PAX5: variants seen among roughly 807,000 people sequenced by gnomAD.
PAX5 encodes paired box 5.
PAX5 carries 9 observed loss-of-function variants against 43.7 expected under a neutral mutation model. The observed-to-expected ratio is 0.21, with a 90% CI of 0.12 to 0.36. PAX5 has a LOEUF of 0.36. PAX5 is among the 10% of genes least tolerant of loss of function. The pLI is 1.00. For synonymous variants in PAX5, 228 were observed against 214.3 expected (o/e 1.06, Z -0.56); for missense variants, 383 against 532.7 (o/e 0.72, Z 2.77).
chr9:36,852,621 G>C (rs544297042), intron 8 of PAX5, among the ~76,000 whole-genome samples: 1 of 152,374 alleles, frequency 6.6e-6, no homozygotes, highest in African/African-American at 2.4e-5. Context: ...GGCTGGGGCA[G>C]AAGGAACGTG....
chr9:37,033,430 C>T (rs1269158732), intron 1 of PAX5, among the ~76,000 whole-genome samples: 2 of 152,228 alleles, frequency 1.3e-5, no homozygotes, highest in African/African-American at 4.8e-5. Flanking sequence ...ATCCAAAAAT[C>T]ACTTGGGATA....
intron 6 of PAX5, among the ~76,000 whole-genome samples, chr9:36,933,462 C>T (rs1475944097): frequency 3.9e-5 from 6 of 152,166 alleles, no homozygotes; most frequent in Admixed American, 2.6e-4. Context: ...CTTGCAGGTC[C>T]GTGGTGCCCC....
chr9:36,892,661 C>T (rs1348197986), intron 7 of PAX5, among the ~76,000 whole-genome samples: 1 of 152,128 alleles, frequency 6.6e-6, no homozygotes, highest in African/African-American at 2.4e-5. Flanking sequence ...AGGACTTCAC[C>T]TATGGAAACA....
At chr9:36,843,830 C>CTTT (rs1187590482) in intron 9 of PAX5, among the ~76,000 whole-genome samples, 5 of 152,206 alleles carry the variant, frequency 3.3e-5, no homozygotes, top group Admixed American at 6.5e-5. Flanking sequence ...AGGCATCCAG[C>CTTT]TTTGGCTGGG....
In PAX5 at chr9:36,836,138, A is replaced by G. The variant is rs952606819; in HGVS notation, c.*4422T>C. On this transcript the variant is annotated 3_prime_UTR_variant, in exon 10 of 10. Coordinates refer to ENST00000358127, the MANE Select transcript of PAX5 (RefSeq NM_016734.3). ...TTTCACCCCTCAGTGCCCTGTGGCC[A>G]CATCTGAGTCTCTTCCCTGCACATG... 10 of 233,294 alleles carry G rather than the reference A, an allele frequency of 4.3e-5. No individual in the cohort carries two copies. Among genetic ancestry groups the G allele is most frequent in the Non-Finnish European group, 5.1e-5 (6 of 118,158 alleles). 14.5% of individuals were successfully genotyped at this position (233,294 alleles called of 1,614,324 possible).
At chr9:37,026,424 G>T (rs1177786302) in intron 1 of PAX5, 11 of 966,792 alleles carry the variant, frequency 1.1e-5, no homozygotes, top group Non-Finnish European at 1.6e-5. Context: ...TTAGCTGCGC[G>T]GCTGCAGAGG....
At chr9:36,942,379 C>T (rs1392235114) in intron 6 of PAX5, among the ~76,000 whole-genome samples, 2 of 152,248 alleles carry the variant, frequency 1.3e-5, no homozygotes, top group African/African-American at 2.4e-5. Flanking sequence ...CCCTGGCTTA[C>T]ACTTGCTTCA....
intron 8 of PAX5, among the ~76,000 whole-genome samples, chr9:36,870,258 CCTT>C (rs1825377409): frequency 2.0e-5 from 3 of 152,208 alleles, no homozygotes; most frequent in South Asian, 2.1e-4. Context: ...CTCCCAAGCC[CCTT>C]CTTCTAGGAC....
intron 6 of PAX5, among the ~76,000 whole-genome samples, chr9:36,964,819 C>A (rs535436366): frequency 2.0e-5 from 3 of 152,106 alleles, no homozygotes; most frequent in East Asian, 3.9e-4. Context: ...TGTGTGGGGG[C>A]GGCTATGCCC....
chr9:36,895,071 A>G (rs960833726), intron 7 of PAX5, among the ~76,000 whole-genome samples: 1 of 152,218 alleles, frequency 6.6e-6, no homozygotes, highest in Admixed American at 6.5e-5. Flanking sequence ...GCTGGTGCCC[A>G]TGGCCCACTC....
At chr9:36,884,757 C>T (rs1411605868) in intron 7 of PAX5, among the ~76,000 whole-genome samples, 1 of 152,184 alleles carries the variant, frequency 6.6e-6, no homozygotes, top group Non-Finnish European at 1.5e-5. Context: ...TGGCTCATCT[C>T]CTAGAACCAA....
chr9:36,922,462 T>G (rs1830249016), intron 7 of PAX5, among the ~76,000 whole-genome samples: 1 of 152,142 alleles, frequency 6.6e-6, no homozygotes, highest in African/African-American at 2.4e-5. Context: ...CAGCTGAGTC[T>G]GTCCACATGG....
intron 5 of PAX5, among the ~76,000 whole-genome samples, chr9:36,997,899 C>G (rs7850825): frequency 0.22 from 33,528 of 152,180 alleles, 3,855 homozygotes; most frequent in Admixed American, 0.31. Context: ...TGGGTAGATG[C>G]ACTTGCAGAC....
chr9:36,952,591 G>C (rs932094937), intron 6 of PAX5, among the ~76,000 whole-genome samples: 4 of 151,970 alleles, frequency 2.6e-5, no homozygotes, highest in Non-Finnish European at 4.4e-5. Flanking sequence ...TCAACTGAAC[G>C]TGTCATACAA....
chr9:36,984,293 G>T (rs1301586243), intron 5 of PAX5, among the ~76,000 whole-genome samples: 1 of 152,176 alleles, frequency 6.6e-6, no homozygotes, highest in African/African-American at 2.4e-5. Flanking sequence ...GGGCAAGGAA[G>T]GGGTGTTATG....
rs1821740323 is a variant in PAX5 at position 36,837,731 on chromosome 9, C to T, written c.*2829G>A. ...GAGTCAAGTGGTTGTCTCACAAATA[C>T]AAAACCAATCTGAGGACCAGCAAAG... On this transcript the variant is annotated 3_prime_UTR_variant, in exon 10 of 10. Coordinates refer to ENST00000358127, the MANE Select transcript of PAX5 (RefSeq NM_016734.3). The T allele has an allele frequency of 4.3e-6, 1 of 233,254 alleles. No homozygotes were observed. The highest frequency in any genetic ancestry group is 1.8e-4 in the South Asian group (1 of 5,536). The allele number at this position is 233,254 out of a possible 1,614,324, so 14.4% of individuals were successfully genotyped here. A position where few individuals can be genotyped will look rare whatever the true frequency, so the allele number is the denominator to read the frequency against.
At chr9:37,008,784 T>C (rs1838685356) in intron 3 of PAX5, among the ~76,000 whole-genome samples, 1 of 152,228 alleles carries the variant, frequency 6.6e-6, no homozygotes, top group Admixed American at 6.5e-5. Flanking sequence ...AACCACTTAT[T>C]TTAACTAAGC....
At position 36,837,792 on chromosome 9, in the gene PAX5, A is replaced by G. The variant is rs1010305016; in HGVS notation, c.*2768T>C. 4.3e-6 allele frequency: 1 copy of G among 233,332 alleles called. No individual in the cohort carries two copies. Among genetic ancestry groups the G allele is most frequent in the African/African-American group, 2.2e-5 (1 of 45,354 alleles). 14.5% of individuals were successfully genotyped at this position (233,332 alleles called of 1,614,324 possible). On this transcript the variant is annotated 3_prime_UTR_variant, in exon 10 of 10. Coordinates refer to ENST00000358127, the MANE Select transcript of PAX5 (RefSeq NM_016734.3). Reference sequence around the variant, plus strand: ...GGGAGGAAAGGTATGGGGGGAGCTCATTACAGGGCAAGAAGAGGAACAGGA... The same window carrying G: ...GGGAGGAAAGGTATGGGGGGAGCTCGTTACAGGGCAAGAAGAGGAACAGGA...
intron 7 of PAX5, chr9:36,923,149 C>T (rs1407738791): frequency 1.8e-6 from 1 of 558,638 alleles, no homozygotes; most frequent in Non-Finnish European, 3.1e-6. Flanking sequence ...TTTGTTCTCC[C>T]CAGCTTTGTT....
Sources: gnomAD v4.1 joint callset for allele counts (sites outside exome capture counted in the v4.1 genomes callset) on GRCh38, gnomAD v4.1.1 for gene constraint, MANE v1.5 for transcripts, NCBI Gene and HGNC (gene_info 2026-07-23, HGNC 2026-07-21) for gene names.